Variants in COMMD1 observed in about 807,000 individuals in gnomAD.
COMMD1 encodes the protein copper metabolism domain containing 1, also known as COMM domain-containing protein 1.
A neutral mutation model predicts 17.2 loss-of-function variants in COMMD1; 10 were observed. That is an observed-to-expected ratio of 0.58 (90% CI 0.36 to 0.99). COMMD1 has a LOEUF of 0.99. COMMD1 is among the 50% of genes least tolerant of loss of function. The pLI is 0.01. For synonymous variants in COMMD1, 97 were observed against 91.6 expected, an observed-to-expected ratio of 1.06 and a Z score of -0.34; for missense variants, 270 against 231.8, an observed-to-expected ratio of 1.17 and a Z score of -1.07.
At chr2:62,003,137 G>A (rs536210121) in intron 2 of COMMD1, among the ~76,000 whole-genome samples, 2 of 152,174 alleles carry the variant, frequency 1.3e-5, no homozygotes, top group African/African-American at 4.8e-5. Flanking sequence ...GGAGGCTGAG[G>A]CAGGAGAATC....
At chr2:61,956,366 T>A (rs1430856496) in intron 1 of COMMD1, among the ~76,000 whole-genome samples, 1 of 152,206 alleles carries the variant, frequency 6.6e-6, no homozygotes, top group African/African-American at 2.4e-5. Context: ...AGAATAATTG[T>A]TCAGATGCAT....
chr2:62,028,519 G>A (rs1669829082), intron 2 of COMMD1, among the ~76,000 whole-genome samples: 1 of 152,130 alleles, frequency 6.6e-6, no homozygotes, highest in Non-Finnish European at 1.5e-5. Flanking sequence ...GAGGTCATGA[G>A]CCATGACTGT....
intron 2 of COMMD1, among the ~76,000 whole-genome samples, chr2:62,099,595 A>G (rs1672117103): frequency 6.7e-6 from 1 of 149,714 alleles, no homozygotes; most frequent in African/African-American, 2.5e-5. Flanking sequence ...TTTAAGAGCA[A>G]TTGACCTGTG....
intron 1 of COMMD1, among the ~76,000 whole-genome samples, chr2:61,995,101 T>TA (rs1325025191): frequency 2.0e-5 from 3 of 151,586 alleles, no homozygotes; most frequent in Non-Finnish European, 4.4e-5. Flanking sequence ...GCTTAAAATT[T>TA]TTTTTTCATT....
At chr2:61,912,389 A>G (rs1669927857) in intron 1 of COMMD1, among the ~76,000 whole-genome samples, 1 of 152,226 alleles carries the variant, frequency 6.6e-6, no homozygotes, top group Non-Finnish European at 1.5e-5. Flanking sequence ...ACCAGGGGTC[A>G]GCAAACTATG....
At chr2:61,999,182 G>A (rs1668851672) in intron 1 of COMMD1, among the ~76,000 whole-genome samples, 1 of 152,160 alleles carries the variant, frequency 6.6e-6, no homozygotes, top group Admixed American at 6.5e-5. Flanking sequence ...GCAATAAAGT[G>A]ATGCACAATA....
At chr2:61,926,133 G>A (rs975045578) in intron 1 of COMMD1, among the ~76,000 whole-genome samples, 7 of 151,944 alleles carry the variant, frequency 4.6e-5, no homozygotes, top group African/African-American at 1.5e-4. Flanking sequence ...ACCACGCCTG[G>A]CTAATTTTTT....
At chr2:62,012,036 T>C (rs1269789856) in intron 2 of COMMD1, among the ~76,000 whole-genome samples, 2 of 151,906 alleles carry the variant, frequency 1.3e-5, no homozygotes, top group Non-Finnish European at 2.9e-5. Context: ...TCATTTGAGG[T>C]CAGGAGTTTG....
intron 1 of COMMD1, among the ~76,000 whole-genome samples, chr2:61,982,191 T>C (rs188099245): frequency 2.8e-3 from 422 of 152,332 alleles, no homozygotes; most frequent in South Asian, 0.018. Context: ...TAGTTTTCAT[T>C]ATAGAGCGCT....
intron 1 of COMMD1, among the ~76,000 whole-genome samples, chr2:61,912,641 A>G (rs1669933222): frequency 1.3e-5 from 2 of 151,694 alleles, no homozygotes. Flanking sequence ...AGGCTGAGGC[A>G]GGAGAATTGC....
chr2:62,026,067 T>A (rs561001493), intron 2 of COMMD1, among the ~76,000 whole-genome samples: 2 of 152,222 alleles, frequency 1.3e-5, no homozygotes, highest in Non-Finnish European at 2.9e-5. Flanking sequence ...ATACAACTAG[T>A]AGAAGGTAGA....
At chr2:62,063,467 G>A (rs1670931717) in intron 2 of COMMD1, among the ~76,000 whole-genome samples, 1 of 152,138 alleles carries the variant, frequency 6.6e-6, no homozygotes, top group Non-Finnish European at 1.5e-5. Flanking sequence ...TGGGATTACA[G>A]GCGTGAGCCA....
chr2:61,983,829 A>G (rs1000744356), intron 1 of COMMD1, among the ~76,000 whole-genome samples: 2 of 152,000 alleles, frequency 1.3e-5, no homozygotes, highest in Non-Finnish European at 2.9e-5. Flanking sequence ...TTTCAACTTC[A>G]TTATTTTTGC....
intron 2 of COMMD1, among the ~76,000 whole-genome samples, chr2:62,118,605 C>T (rs1201385016): frequency 6.6e-6 from 1 of 152,204 alleles, no homozygotes; most frequent in African/African-American, 2.4e-5. Context: ...TGGGATATAG[C>T]ATGGCAGGCA....
chr2:62,093,095 T>C (rs961959482), intron 2 of COMMD1, among the ~76,000 whole-genome samples: 15 of 152,152 alleles, frequency 9.9e-5, no homozygotes, highest in African/African-American at 3.6e-4. Flanking sequence ...TTCCCCAAAC[T>C]GGAATGATTC....
At chr2:62,035,845 G>T (rs571866592) in intron 2 of COMMD1, among the ~76,000 whole-genome samples, 116 of 150,704 alleles carry the variant, frequency 7.7e-4, no homozygotes, top group Middle Eastern at 7.1e-3. Context: ...GAGCCTCAGG[G>T]GTTCAAGACC....
chr2:62,018,642 T>C (rs1452805384), intron 2 of COMMD1, among the ~76,000 whole-genome samples: 1 of 152,214 alleles, frequency 6.6e-6, no homozygotes, highest in Non-Finnish European at 1.5e-5. Flanking sequence ...TGTTTTGATA[T>C]ATATGTACAT....
intron 1 of COMMD1, among the ~76,000 whole-genome samples, chr2:61,930,520 C>A (rs1361416473): frequency 6.6e-6 from 1 of 151,962 alleles, no homozygotes; most frequent in Non-Finnish European, 1.5e-5. Context: ...AATGCCATTG[C>A]ACTCTATCCT....
At chr2:62,100,844 A>G (rs1672159593) in intron 2 of COMMD1, among the ~76,000 whole-genome samples, 1 of 152,228 alleles carries the variant, frequency 6.6e-6, no homozygotes, top group Non-Finnish European at 1.5e-5. Flanking sequence ...AGCTATGTTA[A>G]TAGAGATTCT....
Sources: allele counts gnomAD v4.1 joint callset (sites outside exome capture counted in the v4.1 genomes callset), GRCh38; gene constraint gnomAD v4.1.1; transcripts MANE v1.5; gene names NCBI Gene and HGNC (gene_info 2026-07-23, HGNC 2026-07-21).